Variants in STRBP observed in about 807,000 individuals in gnomAD.
STRBP encodes spermatid perinuclear RNA binding protein.
STRBP carries 13 observed loss-of-function variants against 80.1 expected under a neutral mutation model. The ratio of observed to expected loss-of-function variants is 0.16; its 90% confidence interval spans 0.11 to 0.26. The LOEUF (loss-of-function observed/expected upper bound fraction) is 0.26. STRBP is among the 10% of genes least tolerant of loss of function. STRBP has a pLI of 1.00. For synonymous variants in STRBP, 284 were observed against 291.2 expected, an observed-to-expected ratio of 0.98 and a Z score of 0.25; for missense variants, 485 against 815.2, an observed-to-expected ratio of 0.59 and a Z score of 4.93.
intron 11 of STRBP, among the ~76,000 whole-genome samples, chr9:123,151,428 T>TGCTC (rs2037052603): frequency 6.6e-6 from 1 of 152,304 alleles, no homozygotes. Context: ...AACGACCATG[T>TGCTC]GCTGGGGCAT....
At position 123,179,197 on chromosome 9, in the gene STRBP, G is replaced by A. The variant is rs2038348937; in HGVS notation, c.34C>T (p.Arg12Cys). The change falls in exon 4 of 19, where the codon CGC (arginine) becomes TGC (cysteine). Residue 12 changes from arginine to cysteine, a missense_variant. By Grantham distance (180) the Arg-to-Cys change is radical. Transcript: ENST00000348403. ...RSIRSFANDD[R>C]HVMVKHSTIY... is the part of the protein sequence containing the mutation. ...GTTGAATGTTTCACCATAACATGGC[G>A]ATCATCATTAGCAAAAGATCGAATA... The A allele has an allele frequency of 6.2e-7, 1 of 1,609,596 alleles. No homozygotes were observed. The highest frequency in any genetic ancestry group is 1.1e-5 in the South Asian group (1 of 90,980).
At chr9:123,130,761 C>T (rs892967530) in intron 17 of STRBP, among the ~76,000 whole-genome samples, 1 of 152,162 alleles carries the variant, frequency 6.6e-6, no homozygotes, top group Non-Finnish European at 1.5e-5. Flanking sequence ...ATAACCTTTT[C>T]CTTTTCCCCC....
intron 17 of STRBP, 46 bp from the exon 18 acceptor site, chr9:123,128,304 A>G (rs2035979851): frequency 1.2e-6 from 2 of 1,611,148 alleles, no homozygotes; most frequent in Non-Finnish European, 8.5e-7. Flanking sequence ...ACCCAGGGCA[A>G]TCATCACTGG....
Position 123,169,997 on chromosome 9 carries a change from G to C in STRBP, c.440C>G (p.Ser147Cys), listed in dbSNP as rs1188620703. ...CTCTTTTGTATTCCGAATTATAATA[G>C]ATGCCTCATTTACACATTGTTCCAC... is the stretch of plus-strand genomic sequence containing the variant. Reference protein sequence around the residue: ...YQVEQCVNEASIIIRNTKEPT... With the variant: ...YQVEQCVNEACIIIRNTKEPT... The change falls in exon 6 of 19, where the codon TCT (serine) becomes TGT (cysteine). Residue 147 changes from serine to cysteine, a missense_variant. Transcript: ENST00000348403. 1.2e-6 allele frequency: 2 copies of C among 1,608,118 alleles called. No individual in the cohort carries two copies. The highest frequency in any genetic ancestry group is 1.7e-6 in the Non-Finnish European group (2 of 1,177,926).
intron 6 of STRBP, among the ~76,000 whole-genome samples, chr9:123,167,714 G>A (rs1463977938): frequency 6.6e-6 from 1 of 151,800 alleles, no homozygotes; most frequent in Non-Finnish European, 1.5e-5. Context: ...CACCTTACCT[G>A]ATCCCATATA....
chr9:123,179,351 G>A, intron 3 of STRBP, 124 bp from the exon 4 acceptor site: 1 of 799,526 alleles, frequency 1.3e-6, no homozygotes, highest in East Asian at 2.7e-5. Context: ...AGTTAATACT[G>A]AAACAAGAAA....
At position 123,128,243 on chromosome 9, in the gene STRBP, T is replaced by G. The variant is rs773341067; in HGVS notation, c.1913A>C (p.Tyr638Ser). 2 of 1,614,196 alleles carry G rather than the reference T, an allele frequency of 1.2e-6. No homozygotes were observed. The change falls in exon 18 of 19, where the codon TAT (tyrosine) becomes TCT (serine). Residue 638 changes from tyrosine to serine, a missense_variant. By Grantham distance (144) the Tyr-to-Ser change is moderately radical (BLOSUM62 -2). Around this residue, in one of 3 missense-constraint regions of STRBP, gnomAD observed 85 missense variants for 120.1 expected, o/e 0.71. Coordinates refer to ENST00000348403, the MANE Select transcript of STRBP (RefSeq NM_018387.5). ...GGCAGGGGCAGCTGTGCTGTAACCA[T>G]ATGGTGTTCCATAGCCTAGTGCAAA... is the stretch of plus-strand genomic sequence containing the variant. ...GYIAPGYGTP[Y>S]GYSTAAPAYG...
At position 123,115,680 on chromosome 9, in the gene STRBP, A is replaced by G. The variant is rs2035633740; in HGVS notation, c.*84+249T>C. 3.0e-6 allele frequency: 1 copy of G among 335,786 alleles called. No individual in the cohort carries two copies. The highest frequency in any genetic ancestry group is 4.0e-5 in the Admixed American group (1 of 24,808). 20.8% of individuals were successfully genotyped at this position (335,786 alleles called of 1,614,324 possible). ...AGGGAGACATGGTCTTGGCAGCATC[A>G]CCAGTCAACATCAGAGTTCGTCCAA... is the stretch of plus-strand genomic sequence containing the variant. On this transcript the variant is annotated intron_variant and NMD_transcript_variant, in intron 3 of 3. Coordinates refer to the STRBP transcript ENST00000471564. The surrounding 1 kb of genome is among the most constrained non-coding windows in gnomAD (Gnocchi z 5.0).
intron 1 of STRBP, among the ~76,000 whole-genome samples, chr9:123,256,873 G>A (rs2041043256): frequency 6.6e-6 from 1 of 151,028 alleles, no homozygotes; most frequent in Non-Finnish European, 1.5e-5. Context: ...AAAACTCCAT[G>A]TAGACAGTGG....
chr9:123,220,094 T>C (rs756238467), intron 2 of STRBP, among the ~76,000 whole-genome samples: 6 of 152,132 alleles, frequency 3.9e-5, no homozygotes, highest in Admixed American at 6.5e-5. Flanking sequence ...GATAAAAAAT[T>C]AGAGATTCAG....
intron 1 of STRBP, among the ~76,000 whole-genome samples, chr9:123,250,101 C>T (rs2040880675): frequency 6.6e-6 from 1 of 152,168 alleles, no homozygotes; most frequent in South Asian, 2.1e-4. Context: ...CAGGATACTA[C>T]CATTTGTCAA....
intron 2 of STRBP, among the ~76,000 whole-genome samples, chr9:123,192,314 C>T (rs905496307): frequency 2.0e-5 from 3 of 151,576 alleles, no homozygotes; most frequent in East Asian, 3.9e-4. Context: ...CCAATGAATA[C>T]AAAAAAAGCA....
At chr9:123,213,693 G>A (rs2039790913) in intron 2 of STRBP, 1 of 152,264 alleles carries the variant, frequency 6.6e-6, no homozygotes, top group South Asian at 2.1e-4. Flanking sequence ...TAGGAGCCAA[G>A]GCGGGTGGAT....
chr9:123,171,429 T>C (rs2038004744), intron 5 of STRBP, among the ~76,000 whole-genome samples: 1 of 152,140 alleles, frequency 6.6e-6, no homozygotes, highest in African/African-American at 2.4e-5. Context: ...AAGGAAATAA[T>C]ATCGTATCAG....
At chr9:123,193,507 T>C (rs1001480173) in intron 2 of STRBP, among the ~76,000 whole-genome samples, 5 of 152,206 alleles carry the variant, frequency 3.3e-5, no homozygotes, top group African/African-American at 1.2e-4. Flanking sequence ...TTTAGTGCTG[T>C]ACTTAGCTCA....
At chr9:123,223,649 A>T (rs12001530) in intron 2 of STRBP, among the ~76,000 whole-genome samples, 2,154 of 152,288 alleles carry the variant, frequency 0.014, 52 homozygotes, top group African/African-American at 0.049. Context: ...TTATTATTAA[A>T]TGTGAAGCAA....
At chr9:123,239,718 T>C (rs1382908944) in intron 1 of STRBP, among the ~76,000 whole-genome samples, 5 of 152,206 alleles carry the variant, frequency 3.3e-5, no homozygotes, top group African/African-American at 1.2e-4. Context: ...CTAGGAACTA[T>C]ACACATAAGT....
chr9:123,197,667 C>CTTTTTTTTTTTTTT (rs71388358), intron 2 of STRBP, among the ~76,000 whole-genome samples: 2 of 87,364 alleles, frequency 2.3e-5, no homozygotes, highest in East Asian at 3.8e-4. Context: ...AAACATATTT[C>CTTTTTTTTTTTTTT]TTTTTTTTTT....
chr9:123,256,856 G>A (rs1472818016), intron 1 of STRBP, among the ~76,000 whole-genome samples: 2 of 150,596 alleles, frequency 1.3e-5, no homozygotes, highest in East Asian at 2.0e-4. Context: ...GACATGGGGA[G>A]AACGTGAAAA....
Sources: gnomAD v4.1 joint callset for allele counts (sites outside exome capture counted in the v4.1 genomes callset) on GRCh38, gnomAD v4.1.1 for gene constraint, gnomAD v4.1.1 regional missense constraint, Gnocchi (gnomAD v3.1) non-coding constraint, MANE v1.5 for transcripts, NCBI Gene and HGNC (gene_info 2026-07-23, HGNC 2026-07-21) for gene names.